The following FRYL variants were observed in gnomAD, a reference collection of about 807,000 sequenced individuals.
FRYL encodes the protein protein furry homolog-like.
FRYL carries 150 observed loss-of-function variants against 351.2 expected under a neutral mutation model. The observed-to-expected ratio is 0.43, with a 90% CI of 0.37 to 0.49. The LOEUF is 0.49. FRYL is among the 20% of genes least tolerant of loss of function. The probability of loss-of-function intolerance (pLI) is 0.00; values close to 1 mark genes in which losing one functional copy is unlikely to be tolerated. For missense variants in FRYL, 3,036 were observed against 3,619.3 expected (o/e 0.84, Z 4.13); for synonymous variants, 1,153 against 1,257.1 (o/e 0.92, Z 1.75).
rs751689039 is a variant in FRYL at position 48,567,224 on chromosome 4, G to A, written c.3169+24C>T. 7.6e-6 allele frequency: 12 copies of A among 1,583,228 alleles called. No homozygotes were observed. Among genetic ancestry groups the A allele is most frequent in the Non-Finnish European group, 1.0e-5 (12 of 1,164,618 alleles). Reference sequence around the variant, plus strand: ...TGACGGTTCCTTAATACTCAATAATGCTTTAAGAAACTGAAAATAATACCT... The same window carrying A: ...TGACGGTTCCTTAATACTCAATAATACTTTAAGAAACTGAAAATAATACCT... On this transcript the variant is annotated intron_variant, in intron 28 of 63. Transcript: ENST00000358350. The surrounding 1 kb of genome is among the most constrained non-coding windows in gnomAD (Gnocchi z 4.2).
chr4:48,708,243 C>A (rs1767598809), intron 2 of FRYL, among the ~76,000 whole-genome samples: 1 of 151,688 alleles, frequency 6.6e-6, no homozygotes, highest in African/African-American at 2.4e-5. Context: ...TGAGCCACTG[C>A]ACTCCAGCCT....
At chr4:48,737,921 A>T (rs1478234007) in intron 1 of FRYL, among the ~76,000 whole-genome samples, 1 of 152,198 alleles carries the variant, frequency 6.6e-6, no homozygotes, top group African/African-American at 2.4e-5. Flanking sequence ...CTCATTCATG[A>T]TAAAGACTCT....
chr4:48,499,693 A>G lies in FRYL; in HGVS notation c.8784-13T>C, dbSNP rs762796195. On this transcript the variant is annotated splice_polypyrimidine_tract_variant and intron_variant, in intron 63 of 63. Coordinates refer to ENST00000358350, the MANE Select transcript of FRYL (RefSeq NM_015030.2). ...GGGCCAGAGAGATCTGAAAATACAC[A>G]ATAGTTTTTCAGTTCTGAGACTTAG... The G allele has an allele frequency of 1.1e-5, 18 of 1,610,460 alleles. No homozygotes were observed.
At position 48,623,840 on chromosome 4, in the gene FRYL, T is replaced by C. The variant is rs528712602; in HGVS notation, c.121-661A>G. The stretch of plus-strand genomic sequence containing the variant: ...ACAAAGAAATACTTTGGGTATAATA[T>C]ATTGTATATACACATTCACTTACAT... On this transcript the variant is annotated intron_variant, in intron 4 of 63. Transcript: ENST00000358350. Among the ~76,000 whole-genome samples, 10 of 152,266 alleles carry C rather than the reference T, an allele frequency of 6.6e-5. No individual in the cohort carries two copies. In the East Asian group the frequency reaches 1.9e-3, roughly 29 times the overall value.
intron 16 of FRYL, among the ~76,000 whole-genome samples, chr4:48,592,082 T>TAATATATATATATATATATATA (rs888017807): frequency 5.2e-5 from 6 of 116,206 alleles, no homozygotes; most frequent in African/African-American, 2.2e-4. Context: ...AATAAAGCTC[T>TAATATATATATATATATATATA]TATATATATA....
At chr4:48,757,614 T>C (rs1222189117) in intron 1 of FRYL, among the ~76,000 whole-genome samples, 1 of 152,128 alleles carries the variant, frequency 6.6e-6, no homozygotes, top group African/African-American at 2.4e-5. Flanking sequence ...TGGAAGAACA[T>C]TCCATGCTCA....
At chr4:48,769,774 A>T (rs1775324551) in intron 1 of FRYL, among the ~76,000 whole-genome samples, 1 of 152,254 alleles carries the variant, frequency 6.6e-6, no homozygotes, top group African/African-American at 2.4e-5. Flanking sequence ...TGAGTGAGAC[A>T]GGTTGGATGG....
intron 23 of FRYL, among the ~76,000 whole-genome samples, chr4:48,578,291 G>A (rs1475650822): frequency 1.3e-5 from 2 of 152,136 alleles, no homozygotes; most frequent in Non-Finnish European, 2.9e-5. Flanking sequence ...GGTCAATCCA[G>A]ATGCTGGGTT....
At chr4:48,532,462 G>A (rs1471553752) in intron 49 of FRYL, among the ~76,000 whole-genome samples, 9 of 152,030 alleles carry the variant, frequency 5.9e-5, no homozygotes, top group East Asian at 1.9e-4. Context: ...GTTTGACACC[G>A]GCCTGGCCAA....
At chr4:48,544,640 AC>A (rs1241706010) in intron 43 of FRYL, 142 bp downstream of exon 43, 1 of 582,400 alleles carries the variant, frequency 1.7e-6, no homozygotes, top group African/African-American at 1.9e-5. Context: ...TTCAGTGAAA[AC>A]AGATCTGTTA....
At chr4:48,574,646 C>T (rs1277010502) in intron 25 of FRYL, 3 of 152,118 alleles carry the variant, frequency 2.0e-5, no homozygotes, top group African/African-American at 7.2e-5. Context: ...GGCAGAACTT[C>T]AGGCAAAACT....
At chr4:48,617,022 C>G (rs755779969) in intron 7 of FRYL, among the ~76,000 whole-genome samples, 13 of 151,888 alleles carry the variant, frequency 8.6e-5, no homozygotes, top group Non-Finnish European at 1.9e-4. Context: ...CAAAGACTTG[C>G]CTTTTACCAG....
chr4:48,590,876 T>C (rs375597363), intron 16 of FRYL, 46 bp from the exon 17 acceptor site: 303 of 1,444,344 alleles, frequency 2.1e-4, no homozygotes, highest in Middle Eastern at 3.5e-4. Context: ...TATCATAAAT[T>C]ACCTTTTTTG....
chr4:48,521,285 T>G, intron 54 of FRYL, 70 bp from the exon 55 acceptor site: 1 of 1,166,010 alleles, frequency 8.6e-7, no homozygotes, highest in South Asian at 1.6e-5. Context: ...TTCTCTATCA[T>G]AAAATATTTT....
intron 1 of FRYL, among the ~76,000 whole-genome samples, chr4:48,764,666 A>G (rs1477239351): frequency 6.6e-6 from 1 of 152,250 alleles, no homozygotes; most frequent in Non-Finnish European, 1.5e-5. Flanking sequence ...TTAAACAAGG[A>G]AGGGATAGAG....
At position 48,557,123 on chromosome 4, in the gene FRYL, A is replaced by T. The variant is rs571864809; in HGVS notation, c.4126-5T>A. 54 of 1,576,124 alleles carry T rather than the reference A, an allele frequency of 3.4e-5. 1 individual carries two copies. The highest frequency in any genetic ancestry group is 2.9e-4 in the South Asian group (25 of 85,494). On this transcript the variant is annotated splice_polypyrimidine_tract_variant and splice_region_variant and intron_variant, in intron 34 of 63. Transcript: ENST00000358350. ...CCAGGCCAGTTCATCGCCATACTAGATGCAATATGCACAAAAGATACTTCA... is the reference window on the plus strand; with the variant it reads ...CCAGGCCAGTTCATCGCCATACTAGTTGCAATATGCACAAAAGATACTTCA...
intron 45 of FRYL, among the ~76,000 whole-genome samples, 155 bp from the exon 46 acceptor site, chr4:48,541,115 C>A (rs1046606747): frequency 1.3e-5 from 2 of 152,170 alleles, no homozygotes; most frequent in African/African-American, 4.8e-5. Context: ...GTTTTCCCTT[C>A]AAATTCAAAG....
rs1409777743 is a variant in FRYL at position 48,576,052 on chromosome 4, C to T, written c.2699G>A (p.Ser900Asn). The part of the protein sequence containing the change: ...PPETLASTPD[S>N]GYSIDSKIIG... Reference sequence around the variant, plus strand: ...TACTTTAGAATCAATGCTATAGCCGCTATCTGGGGTAGACGCCAGCGTCTC... The same window carrying T: ...TACTTTAGAATCAATGCTATAGCCGTTATCTGGGGTAGACGCCAGCGTCTC... Residue 900 changes from serine (S) to asparagine (N), a missense_variant, in exon 24 of 64, where the codon AGC (serine) becomes AAC (asparagine). Coordinates refer to ENST00000358350, the MANE Select transcript of FRYL (RefSeq NM_015030.2). The T allele has an allele frequency of 3.7e-6, 6 of 1,609,936 alleles. No homozygotes were observed. The East Asian group carries it at 1.1e-4, about 30-fold the overall frequency.
At chr4:48,748,981 G>A (rs1312723970) in intron 1 of FRYL, among the ~76,000 whole-genome samples, 2 of 152,178 alleles carry the variant, frequency 1.3e-5, no homozygotes, top group East Asian at 3.9e-4. Flanking sequence ...GCCACAGGAA[G>A]GGTCAAGGAA....
Sources: gnomAD v4.1 joint callset for allele counts (sites outside exome capture counted in the v4.1 genomes callset) on GRCh38, gnomAD v4.1.1 for gene constraint, Gnocchi (gnomAD v3.1) non-coding constraint, MANE v1.5 for transcripts, NCBI Gene and HGNC (gene_info 2026-07-23, HGNC 2026-07-21) for gene names.